SIL1: variants seen among roughly 807,000 people sequenced by gnomAD.
SIL1 encodes the protein SIL1 nucleotide exchange factor, also known as nucleotide exchange factor SIL1.
SIL1 carries 40 observed loss-of-function variants against 49.1 expected under a neutral mutation model. The ratio of observed to expected loss-of-function variants is 0.81; its 90% confidence interval spans 0.63 to 1.06. The LOEUF (loss-of-function observed/expected upper bound fraction) is 1.06. Among genes scored for constraint, SIL1 ranks in the 50% least tolerant of loss-of-function variants. The pLI is 0.00. For missense variants in SIL1, 500 were observed against 572.6 expected (o/e 0.87, Z 1.29); for synonymous variants, 253 against 250.8 (o/e 1.01, Z -0.08).
At chr5:138,976,511 G>A (rs1767396931) in intron 7 of SIL1, among the ~76,000 whole-genome samples, 1 of 151,726 alleles carries the variant, frequency 6.6e-6, no homozygotes, top group African/African-American at 2.4e-5. Flanking sequence ...ACGGGGTTTT[G>A]CCATGTTGGC....
chr5:139,073,917 A>AAAT (rs747819917), intron 3 of SIL1, among the ~76,000 whole-genome samples: 1 of 152,228 alleles, frequency 6.6e-6, no homozygotes, highest in African/African-American at 2.4e-5. Flanking sequence ...AAAAATACAT[A>AAAT]AATAATAATA....
intron 7 of SIL1, among the ~76,000 whole-genome samples, chr5:139,011,336 G>C (rs957832306): frequency 4.9e-5 from 6 of 123,360 alleles, no homozygotes; most frequent in African/African-American, 1.7e-4. Flanking sequence ...CACCGTGCGC[G>C]CACCCACTGG....
At chr5:139,130,201 T>C (rs1750834053) in intron 1 of SIL1, among the ~76,000 whole-genome samples, 1 of 152,016 alleles carries the variant, frequency 6.6e-6, no homozygotes, top group Non-Finnish European at 1.5e-5. Flanking sequence ...AGAAGATCTC[T>C]TGAGCCCAGG....
rs764462570 is a variant in SIL1 at position 138,951,123 on chromosome 5, GCA to G, written c.1029+46_1029+47del. 2.9e-5 allele frequency: 46 copies of G among 1,593,532 alleles called. No individual in the cohort carries two copies. In the South Asian group the frequency reaches 5.1e-4, roughly 18 times the overall value. ...CATCTGTCTGTCCATCCACCCAGAA[GCA>G]CACACAAAGCAAACAAGAGGAGACT... On this transcript the variant is annotated intron_variant, in intron 9 of 9. Coordinates refer to ENST00000394817, the MANE Select transcript of SIL1 (RefSeq NM_022464.5).
chr5:138,946,783 T>G lies in SIL1; in HGVS notation c.*334A>C. The G allele has an allele frequency of 2.8e-6, 1 of 359,332 alleles. No individual in the cohort carries two copies. The highest frequency in any genetic ancestry group is 2.1e-5 in the African/African-American group (1 of 48,416). The allele number at this position is 359,332 out of a possible 1,614,324, so 22.3% of individuals were successfully genotyped here. A position where few individuals can be genotyped will look rare whatever the true frequency, so the allele number is the denominator to read the frequency against. Reference sequence around the variant, plus strand: ...AGATGAGGAAACAAGCTCAGAGCAATTAAGCGACTTCCCAAGGTACAGAGC... The same window carrying G: ...AGATGAGGAAACAAGCTCAGAGCAAGTAAGCGACTTCCCAAGGTACAGAGC... On this transcript the variant is annotated 3_prime_UTR_variant, in exon 10 of 10. Transcript: ENST00000394817.
chr5:139,081,291 G>C (rs1770070379), intron 3 of SIL1, among the ~76,000 whole-genome samples: 1 of 152,178 alleles, frequency 6.6e-6, no homozygotes, highest in Non-Finnish European at 1.5e-5. Flanking sequence ...GTCTCACTCT[G>C]TAGCCCAGGC....
At chr5:139,019,298 C>T (rs1768467708) in intron 7 of SIL1, among the ~76,000 whole-genome samples, 1 of 152,176 alleles carries the variant, frequency 6.6e-6, no homozygotes, top group Admixed American at 6.5e-5. Context: ...TGAAACCTAC[C>T]TCTCCATGTA....
At position 139,004,824 on chromosome 5, in the gene SIL1, G is replaced by A. The variant is rs765938632; in HGVS notation, c.767+16347C>T. ...TTGTGACAATACAAATGAAACTAGA[G>A]GACATTATGTTAAGTGACATAAGCC... On this transcript the variant is annotated intron_variant, in intron 7 of 9. Transcript: ENST00000394817. 4.7e-4 allele frequency among the ~76,000 whole-genome samples: 72 copies of A among 152,272 alleles called. 1 individual carries two copies. Among genetic ancestry groups the A allele is most frequent in the Middle Eastern group, 6.8e-3 (2 of 294 alleles).
At chr5:139,064,473 C>G (rs1367481968) in intron 3 of SIL1, among the ~76,000 whole-genome samples, 1 of 152,194 alleles carries the variant, frequency 6.6e-6, no homozygotes, top group Non-Finnish European at 1.5e-5. Context: ...GGTCCTAAGT[C>G]CTTGTCCACC....
At chr5:139,158,741 A>T (rs530061566) in intron 1 of SIL1, among the ~76,000 whole-genome samples, 42 of 152,338 alleles carry the variant, frequency 2.8e-4, no homozygotes, top group South Asian at 2.3e-3. Context: ...ATAATTTTTT[A>T]AAAAAAGAAA....
At chr5:139,114,044 A>C (rs1011255503) in intron 3 of SIL1, among the ~76,000 whole-genome samples, 3 of 152,228 alleles carry the variant, frequency 2.0e-5, no homozygotes, top group Non-Finnish European at 4.4e-5. Context: ...TGTTAGAAAG[A>C]GGATGGCCAA....
chr5:139,122,107 C>G (rs1750652870), intron 2 of SIL1, among the ~76,000 whole-genome samples: 1 of 152,086 alleles, frequency 6.6e-6, no homozygotes, highest in Admixed American at 6.6e-5. Context: ...GCCCACCTCC[C>G]CTGTCATCGC....
chr5:139,024,873 G>A (rs1182657804), intron 6 of SIL1, among the ~76,000 whole-genome samples: 1 of 152,156 alleles, frequency 6.6e-6, no homozygotes, highest in Non-Finnish European at 1.5e-5. Context: ...TCTCTGAGCT[G>A]TATGTACTTC....
intron 7 of SIL1, among the ~76,000 whole-genome samples, chr5:139,004,907 T>C (rs891583155): frequency 2.0e-5 from 3 of 152,222 alleles, no homozygotes; most frequent in African/African-American, 7.2e-5. Flanking sequence ...TAAAAAAATT[T>C]ATCTCATAAA....
At chr5:139,110,285 G>C (rs1016367022) in intron 3 of SIL1, among the ~76,000 whole-genome samples, 1 of 151,970 alleles carries the variant, frequency 6.6e-6, no homozygotes, top group African/African-American at 2.4e-5. Context: ...GGGGAGCAGG[G>C]GTCGTTTCTT....
intron 7 of SIL1, among the ~76,000 whole-genome samples, chr5:138,990,184 C>T (rs1767727164): frequency 6.6e-6 from 1 of 152,092 alleles, no homozygotes; most frequent in Non-Finnish European, 1.5e-5. Flanking sequence ...GTACACTTAC[C>T]CAAGAGTTTT....
At chr5:139,073,780 G>A (rs929019090) in intron 3 of SIL1, among the ~76,000 whole-genome samples, 9 of 151,812 alleles carry the variant, frequency 5.9e-5, no homozygotes, top group African/African-American at 1.9e-4. Flanking sequence ...CAAAAAATTC[G>A]CCAGGCTTGG....
intron 3 of SIL1, among the ~76,000 whole-genome samples, chr5:139,056,280 G>A (rs1284144224): frequency 3.3e-5 from 5 of 151,126 alleles, no homozygotes; most frequent in African/African-American, 9.7e-5. Context: ...GTCTCTGCCC[G>A]GCCGCCCATC....
At chr5:138,949,835 A>G (rs1336340374) in intron 9 of SIL1, among the ~76,000 whole-genome samples, 1 of 151,514 alleles carries the variant, frequency 6.6e-6, no homozygotes, top group Non-Finnish European at 1.5e-5. Context: ...AAAAGAAAAG[A>G]AAAAAGAAAA....
Sources: gnomAD v4.1 joint callset for allele counts (sites outside exome capture counted in the v4.1 genomes callset) on GRCh38, gnomAD v4.1.1 for gene constraint, MANE v1.5 for transcripts, NCBI Gene and HGNC (gene_info 2026-07-23, HGNC 2026-07-21) for gene names.